PARPBP: variants seen among roughly 807,000 people sequenced by gnomAD.
PARPBP encodes PARP1 binding protein.
PARPBP carries 52 observed loss-of-function variants against 50.0 expected under a neutral mutation model. The observed-to-expected ratio is 1.04, with a 90% confidence interval of 0.83 to 1.31. PARPBP has a LOEUF of 1.31. Ranked by LOEUF, PARPBP falls within the 50% of genes most tolerant of loss-of-function variation. PARPBP has a pLI of 0.00. For synonymous variants in PARPBP, 244 were observed against 232.1 expected (o/e 1.05, Z -0.47); for missense variants, 697 against 672.0 (o/e 1.04, Z -0.41).
chr12:102,155,874 G>C (rs1332941936), intron 4 of PARPBP, among the ~76,000 whole-genome samples: 1 of 152,286 alleles, frequency 6.6e-6, no homozygotes, highest in Non-Finnish European at 1.5e-5. Flanking sequence ...GCTCCCAAGC[G>C]GCTAAAGGCT....
At position 102,151,680 on chromosome 12, in the gene PARPBP, G is replaced by T; in HGVS notation, c.388-2189G>T. ...TGTCAGCCTCATTGACTCTGGAGCG[G>T]CAGAAGGGAGAGTCCCTCTTAGCAT... On this transcript the variant is annotated intron_variant, in intron 3 of 10. Transcript: ENST00000327680. 4 of 1,535,618 alleles carry T rather than the reference G, an allele frequency of 2.6e-6. No individual in the cohort carries two copies. The South Asian group carries it at 4.8e-5, about 18-fold the overall frequency.
chr12:102,147,422 T>C (rs1028202000), intron 2 of PARPBP, among the ~76,000 whole-genome samples: 3 of 152,074 alleles, frequency 2.0e-5, no homozygotes, highest in African/African-American at 7.2e-5. Context: ...TGTAGGGACA[T>C]GGATGAAATT....
At chr12:102,135,282 C>T (rs950800222) in intron 2 of PARPBP, among the ~76,000 whole-genome samples, 7 of 152,054 alleles carry the variant, frequency 4.6e-5, no homozygotes, top group African/African-American at 1.2e-4. Context: ...TGGTGGCTCA[C>T]GCCTGTAATC....
intron 4 of PARPBP, among the ~76,000 whole-genome samples, chr12:102,158,589 T>C (rs1054739712): frequency 3.9e-5 from 6 of 152,230 alleles, no homozygotes; most frequent in Non-Finnish European, 7.3e-5. Flanking sequence ...TGTAACTATT[T>C]TCTCTTGCTT....
rs1439111489 is a variant in PARPBP, at chr12:102,148,448, T to C, written c.372T>C (p.Tyr124=). The C allele has an allele frequency of 7.5e-7, 1 of 1,327,068 alleles. No individual in the cohort carries two copies. The highest frequency in any genetic ancestry group is 1.8e-5 in the Admixed American group (1 of 56,754). 82.2% of individuals were successfully genotyped at this position (1,327,068 alleles called of 1,614,324 possible). A position where few individuals can be genotyped will look rare whatever the true frequency, so the allele number is the denominator to read the frequency against. The change falls in exon 3 of 11, where the codon TAT becomes TAC. Residue 124 remains tyrosine (Y), a synonymous_variant. Transcript: ENST00000327680. ...CTTTGACTTCTAATTGTGAAAATTA[T>C]AACACAGTATCTCCTGTAAGTATTT... ...CRALTSNCEN[Y]NTVSPSQLLD...
At chr12:102,187,662 C>G (rs1168529963) in intron 9 of PARPBP, among the ~76,000 whole-genome samples, 1 of 152,104 alleles carries the variant, frequency 6.6e-6, no homozygotes, top group Admixed American at 6.5e-5. Context: ...TACTGTTCCT[C>G]AAGCTACGGA....
At chr12:102,188,955 G>T (rs1312512172) in intron 9 of PARPBP, among the ~76,000 whole-genome samples, 1 of 152,034 alleles carries the variant, frequency 6.6e-6, no homozygotes, top group Non-Finnish European at 1.5e-5. Flanking sequence ...AGGGTAAGTG[G>T]ACTTGAAGAT....
At chr12:102,182,080 T>G (rs1889877760) in intron 8 of PARPBP, among the ~76,000 whole-genome samples, 1 of 152,156 alleles carries the variant, frequency 6.6e-6, no homozygotes, top group Admixed American at 6.5e-5. Context: ...TCACATGACT[T>G]TACAATTGTG....
intron 2 of PARPBP, among the ~76,000 whole-genome samples, chr12:102,134,145 A>G (rs991902671): frequency 1.3e-5 from 2 of 151,740 alleles, no homozygotes; most frequent in Admixed American, 6.6e-5. Context: ...TAAAAAAACA[A>G]TAGCAAAGAT....
At chr12:102,160,290 C>T (rs1887424906) in intron 4 of PARPBP, among the ~76,000 whole-genome samples, 1 of 152,162 alleles carries the variant, frequency 6.6e-6, no homozygotes, top group Non-Finnish European at 1.5e-5. Flanking sequence ...ATCAGAAGGA[C>T]AAAATTTGCT....
intron 6 of PARPBP, among the ~76,000 whole-genome samples, chr12:102,173,860 T>C (rs1015792590): frequency 2.7e-5 from 4 of 148,526 alleles, no homozygotes; most frequent in African/African-American, 1.0e-4. Context: ...GAGGGAGAGA[T>C]TGGGTGGTAC....
intron 2 of PARPBP, among the ~76,000 whole-genome samples, chr12:102,134,238 C>CAAAAAAA (rs771158918): frequency 6.6e-5 from 6 of 91,330 alleles, no homozygotes; most frequent in East Asian, 2.9e-4. Context: ...AGAGAAGCCT[C>CAAAAAAA]AAAAAAAAAA....
intron 4 of PARPBP, among the ~76,000 whole-genome samples, chr12:102,154,567 A>G (rs1027699210): frequency 1.3e-5 from 2 of 152,180 alleles, no homozygotes; most frequent in Non-Finnish European, 2.9e-5. Context: ...CCAAATTCCT[A>G]TTTAAGGGGC....
intron 10 of PARPBP, 69 bp from the exon 11 acceptor site, chr12:102,195,882 G>A (rs569858513): frequency 1.9e-5 from 19 of 1,017,406 alleles, no homozygotes; most frequent in Non-Finnish European, 1.6e-5. Context: ...AAAGTTTATT[G>A]TAAAGTTCTC....
chr12:102,128,158 T>C (rs1882295291), intron 2 of PARPBP, among the ~76,000 whole-genome samples: 1 of 152,106 alleles, frequency 6.6e-6, no homozygotes, highest in Non-Finnish European at 1.5e-5. Context: ...CTTTGATGAG[T>C]ATCTCCCCAT....
Position 102,123,959 on chromosome 12 carries a change from G to GT in PARPBP, c.72dup (p.Asn25Ter). The GT allele has an allele frequency of 6.5e-7, 1 of 1,534,854 alleles. No individual in the cohort carries two copies. ...TTTCGAAAAAATTGGCGTGCTCTTTGTAACTCTGAGAGAACTACTCTATGT... is the reference window on the plus strand; with the variant it reads ...TTTCGAAAAAATTGGCGTGCTCTTTGTTAACTCTGAGAGAACTACTCTATGT... On this transcript the variant is annotated frameshift_variant, in exon 2 of 11. Coordinates refer to ENST00000327680, the MANE Select transcript of PARPBP (RefSeq NM_017915.5). LOFTEE classifies it high-confidence loss of function.
intron 3 of PARPBP, among the ~76,000 whole-genome samples, chr12:102,150,842 C>G (rs1164297603): frequency 6.6e-6 from 1 of 152,192 alleles, no homozygotes; most frequent in East Asian, 1.9e-4. Flanking sequence ...CCCTGACCCT[C>G]AAGCCAAGAA....
chr12:102,177,157 A>G (rs531749560), intron 7 of PARPBP, among the ~76,000 whole-genome samples: 17 of 152,332 alleles, frequency 1.1e-4, no homozygotes, highest in African/African-American at 4.1e-4. Context: ...GTGATAGGCA[A>G]TTTGTTATAA....
chr12:102,153,544 G>A (rs1886492251), intron 3 of PARPBP, among the ~76,000 whole-genome samples: 1 of 152,134 alleles, frequency 6.6e-6, no homozygotes, highest in Non-Finnish European at 1.5e-5. Context: ...GTTTCGTTGT[G>A]TTGCCCAGGC....
Sources: gnomAD v4.1 joint callset for allele counts (sites outside exome capture counted in the v4.1 genomes callset) on GRCh38, gnomAD v4.1.1 for gene constraint, MANE v1.5 for transcripts, NCBI Gene and HGNC (gene_info 2026-07-23, HGNC 2026-07-21) for gene names.